CPNE1: variants seen among roughly 807,000 people sequenced by gnomAD.
The protein encoded by CPNE1 is copine 1.
CPNE1 carries 58 observed loss-of-function variants against 63.2 expected under a neutral mutation model. The ratio of observed to expected loss-of-function variants is 0.92; its 90% confidence interval spans 0.74 to 1.14. The LOEUF (loss-of-function observed/expected upper bound fraction) is 1.14, where lower values mean the gene tolerates loss of function less well. Ranked by LOEUF, CPNE1 falls within the 50% of genes most tolerant of loss-of-function variation. The probability of loss-of-function intolerance (pLI) is 0.00; values close to 1 mark genes in which losing one functional copy is unlikely to be tolerated. For synonymous variants in CPNE1, 237 were observed against 249.0 expected, an observed-to-expected ratio of 0.95 and a Z score of 0.45; for missense variants, 672 against 661.7, an observed-to-expected ratio of 1.02 and a Z score of -0.17.
At chr20:35,653,535 A>T in intron 1 of CPNE1, 1 of 1,614,226 alleles carries the variant, frequency 6.2e-7, no homozygotes, top group Non-Finnish European at 8.5e-7. Flanking sequence ...TACGTGCATC[A>T]TCTTCATTTT....
In CPNE1 at chr20:35,631,672, G is replaced by A; in HGVS notation, c.627+16C>T. ...CTCTTCTCCAGCGCAGTCCACTTAG[G>A]GGGCAAGCTCCTCACCTGGATGGGT... On this transcript the variant is annotated intron_variant, in intron 7 of 15. Coordinates refer to ENST00000397443, the MANE Select transcript of CPNE1 (RefSeq NM_152925.3). The A allele has an allele frequency of 6.2e-7, 1 of 1,613,546 alleles. No homozygotes were observed.
intron 1 of CPNE1, chr20:35,655,423 A>G (rs2033837723): frequency 1.6e-6 from 2 of 1,229,762 alleles, no homozygotes; most frequent in Non-Finnish European, 2.2e-6. Flanking sequence ...ATGACCAGCT[A>G]CCATATTAGG....
chr20:35,656,886 G>A (rs970591969), intron 1 of CPNE1, among the ~76,000 whole-genome samples: 1 of 147,578 alleles, frequency 6.8e-6, no homozygotes, highest in Non-Finnish European at 1.5e-5. Flanking sequence ...GAAGAGATTT[G>A]GTTTTATCAC....
intron 1 of CPNE1, among the ~76,000 whole-genome samples, chr20:35,647,166 T>C (rs2033158151): frequency 6.6e-6 from 1 of 151,308 alleles, no homozygotes. Flanking sequence ...CAAAAAAAAT[T>C]AGCTGGGCAT....
rs146691914 is a variant in CPNE1, at chr20:35,642,494, T to C, written c.1-9571A>G. ...TGAAAGCCAATCAGAAAATCCTCCA[T>C]AGGCTTACAAAGGACCACCCATGGA... On this transcript the variant is annotated intron_variant, in intron 1 of 15. Transcript: ENST00000397443. 4.5e-3 allele frequency among the ~76,000 whole-genome samples: 684 copies of C among 152,296 alleles called. 1 individual carries two copies. Among genetic ancestry groups the C allele is most frequent in the Non-Finnish European group, 6.7e-3 (457 of 68,020 alleles).
In CPNE1 at chr20:35,654,157, A is replaced by G. The variant is rs760542219; in HGVS notation, c.-1+10603T>C. On this transcript the variant is annotated intron_variant, in intron 1 of 15. Transcript: ENST00000397443. ...AGGTCCCATATTTTGCTTAAAAGTG[A>G]TATGGCCTCCAGCAGCTACCCACTG... 1.9e-5 allele frequency: 30 copies of G among 1,614,078 alleles called. No homozygotes were observed. Among genetic ancestry groups the G allele is most frequent in the Non-Finnish European group, 5.1e-6 (6 of 1,180,058 alleles).
intron 1 of CPNE1, among the ~76,000 whole-genome samples, chr20:35,657,354 A>AT (rs1456831311): frequency 6.6e-6 from 1 of 152,232 alleles, no homozygotes; most frequent in Non-Finnish European, 1.5e-5. Context: ...CTCAATCTAG[A>AT]ATATGTGGCT....
chr20:35,655,018 G>C, intron 1 of CPNE1: 1 of 1,614,078 alleles, frequency 6.2e-7, no homozygotes, highest in Non-Finnish European at 8.5e-7. Context: ...TGATCTACTG[G>C]CATTTGCTGG....
chr20:35,660,077 A>T (rs1396537164), intron 1 of CPNE1, among the ~76,000 whole-genome samples: 1 of 152,266 alleles, frequency 6.6e-6, no homozygotes, highest in Non-Finnish European at 1.5e-5. Flanking sequence ...CGTCTAGTCA[A>T]CTACTCAAGT....
intron 1 of CPNE1, chr20:35,647,258 G>A (rs1166320677): frequency 1.4e-5 from 2 of 146,780 alleles, no homozygotes; most frequent in African/African-American, 2.5e-5. Context: ...AGGTTGCAGT[G>A]AGCTGAGATC....
In CPNE1 at chr20:35,654,589, G is replaced by A. The variant is rs747801395; in HGVS notation, c.-1+10171C>T. On this transcript the variant is annotated intron_variant, in intron 1 of 15. Coordinates refer to ENST00000397443, the MANE Select transcript of CPNE1 (RefSeq NM_152925.3). The stretch of plus-strand genomic sequence containing the variant: ...TGCCACAGGTGGCGGATTCAAGGGC[G>A]GCATGCCCGACATGGGTGGCAGTGG... 1.4e-5 allele frequency: 22 copies of A among 1,614,062 alleles called. No individual in the cohort carries two copies. The highest frequency in any genetic ancestry group is 2.2e-5 in the East Asian group (1 of 44,896).
Position 35,626,389 on chromosome 20 carries a change from G to A in CPNE1, c.1474-8C>T, listed in dbSNP as rs780516855. ...CAATGCCTCCCGAGGGGCCTGCCAA[G>A]AAAAGGGAAAAGTCAGTGGTGGCCC... On this transcript the variant is annotated splice_region_variant and splice_polypyrimidine_tract_variant and intron_variant, in intron 15 of 15. Coordinates refer to ENST00000397443, the MANE Select transcript of CPNE1 (RefSeq NM_152925.3). The A allele has an allele frequency of 1.7e-5, 28 of 1,613,552 alleles. 1 individual carries two copies. The South Asian group carries it at 2.6e-4, about 15-fold the overall frequency.
chr20:35,657,787 G>A (rs2033986449), intron 1 of CPNE1, among the ~76,000 whole-genome samples: 1 of 152,168 alleles, frequency 6.6e-6, no homozygotes, highest in Non-Finnish European at 1.5e-5. Flanking sequence ...GCAGCCAGGT[G>A]CGGTGGCTCA....
At chr20:35,630,834 G>T in intron 11 of CPNE1, 39 bp from the exon 12 acceptor site, 1 of 1,607,106 alleles carries the variant, frequency 6.2e-7, no homozygotes, top group Middle Eastern at 1.7e-4. Context: ...GGCAGTGAGG[G>T]GACTGTAAGC....
rs777245874 is a variant in CPNE1 at position 35,626,646 on chromosome 20, C to A, written c.1394G>T (p.Gly465Val). ...CCCAGAACGTGTATGCAGGGGTCCA[C>A]CATCAGCGTCCAGCTGCTCCATGGC... is the stretch of plus-strand genomic sequence containing the variant. The part of the protein sequence containing the change: ...FEAMEQLDAD[G>V]GPLHTRSGQA... Residue 465 changes from glycine to valine, a missense_variant, in exon 15 of 16, where the codon GGT becomes GTT. Transcript: ENST00000397443. The A allele has an allele frequency of 1.2e-6, 2 of 1,614,166 alleles. No individual in the cohort carries two copies. Among genetic ancestry groups the A allele is most frequent in the Non-Finnish European group, 1.7e-6 (2 of 1,180,036 alleles).
intron 1 of CPNE1, among the ~76,000 whole-genome samples, chr20:35,648,122 GAATA>G (rs1490611604): frequency 6.6e-6 from 1 of 151,824 alleles, no homozygotes; most frequent in African/African-American, 2.4e-5. Flanking sequence ...TTATGTTGTT[GAATA>G]GACAGGGGTT....
At chr20:35,656,752 C>T (rs1402515585) in intron 1 of CPNE1, among the ~76,000 whole-genome samples, 3 of 152,132 alleles carry the variant, frequency 2.0e-5, no homozygotes, top group Non-Finnish European at 2.9e-5. Flanking sequence ...GGTGATCCAC[C>T]CTCCTCAGTC....
intron 1 of CPNE1, chr20:35,649,230 A>G (rs1046238273): frequency 2.0e-5 from 3 of 152,134 alleles, no homozygotes; most frequent in African/African-American, 7.2e-5. Flanking sequence ...GCAATTTTAC[A>G]TTTTCTTTAC....
At chr20:35,630,122 C>T (rs1406763880) in intron 13 of CPNE1, among the ~76,000 whole-genome samples, 1 of 152,098 alleles carries the variant, frequency 6.6e-6, no homozygotes, top group East Asian at 1.9e-4. Context: ...GGCAAAACCC[C>T]GTCTCTACTA....
Sources: allele counts gnomAD v4.1 joint callset (sites outside exome capture counted in the v4.1 genomes callset), GRCh38; gene constraint gnomAD v4.1.1; transcripts MANE v1.5; gene names NCBI Gene and HGNC (gene_info 2026-07-23, HGNC 2026-07-21).